Variants in LHFPL4 observed in about 807,000 individuals in gnomAD.
LHFPL4 encodes LHFPL tetraspan subfamily member 4, also known as LHFPL tetraspan subfamily member 4 protein.
A neutral mutation model predicts 20.0 loss-of-function variants in LHFPL4; 6 were observed. That is an observed-to-expected ratio of 0.30 (90% CI 0.16 to 0.59). LHFPL4 has a LOEUF of 0.59. LHFPL4 is among the 20% of genes least tolerant of loss of function. LHFPL4 has a pLI of 0.88. For missense variants in LHFPL4, 215 were observed against 331.2 expected, an observed-to-expected ratio of 0.65 and a Z score of 2.72; for synonymous variants, 129 against 143.8, an observed-to-expected ratio of 0.90 and a Z score of 0.74.
intron 2 of LHFPL4, among the ~76,000 whole-genome samples, chr3:9,551,442 G>A (rs564601877): frequency 7.9e-5 from 12 of 151,974 alleles, no homozygotes; most frequent in African/African-American, 2.9e-4. Flanking sequence ...ATCTCTGATC[G>A]AAAGGTGGGT....
chr3:9,536,672 G>C (rs75186955), intron 2 of LHFPL4, among the ~76,000 whole-genome samples: 3,365 of 152,104 alleles, frequency 0.022, 124 homozygotes, highest in African/African-American at 0.074. Flanking sequence ...AAAAACAAAT[G>C]GTATCATGGC....
At chr3:9,532,228 C>T (rs892396229) in intron 2 of LHFPL4, among the ~76,000 whole-genome samples, 1 of 152,074 alleles carries the variant, frequency 6.6e-6, no homozygotes, top group African/African-American at 2.4e-5. Flanking sequence ...GGGATTTCAC[C>T]ATGTTGGCCA....
At chr3:9,546,379 T>G (rs2046513128) in intron 2 of LHFPL4, among the ~76,000 whole-genome samples, 1 of 151,478 alleles carries the variant, frequency 6.6e-6, no homozygotes, top group African/African-American at 2.4e-5. Context: ...TACTCACTTC[T>G]AGATCCCCCA....
At chr3:9,527,809 AACACACACACAC>A (rs58489008) in intron 2 of LHFPL4, among the ~76,000 whole-genome samples, 45,242 of 143,196 alleles carry the variant, frequency 0.32, 7,293 homozygotes, top group Non-Finnish European at 0.37. Context: ...TTCAAATACA[AACACACACACAC>A]ACACACACAC....
chr3:9,516,583 C>T (rs968540146), intron 2 of LHFPL4, among the ~76,000 whole-genome samples: 3 of 151,924 alleles, frequency 2.0e-5, no homozygotes, highest in African/African-American at 7.3e-5. Context: ...AAGCAGTTCT[C>T]CAGCCTCAGC....
intron 2 of LHFPL4, among the ~76,000 whole-genome samples, chr3:9,535,764 T>C (rs2046440826): frequency 6.6e-6 from 1 of 152,052 alleles, no homozygotes; most frequent in Admixed American, 6.6e-5. Flanking sequence ...GGCCACAGCT[T>C]GCTTGCTCGC....
intron 2 of LHFPL4, among the ~76,000 whole-genome samples, chr3:9,533,564 C>T (rs1311476967): frequency 1.3e-5 from 2 of 152,172 alleles, no homozygotes; most frequent in African/African-American, 2.4e-5. Flanking sequence ...GGGCGGATCA[C>T]GAGGTCAGGA....
At chr3:9,514,088 C>T (rs1002509868) in intron 2 of LHFPL4, among the ~76,000 whole-genome samples, 1 of 152,080 alleles carries the variant, frequency 6.6e-6, no homozygotes, top group Non-Finnish European at 1.5e-5. Context: ...TAGTATTAAT[C>T]CATTTGATTG....
chr3:9,510,176 A>T (rs1368091009), intron 2 of LHFPL4, among the ~76,000 whole-genome samples: 1 of 152,170 alleles, frequency 6.6e-6, no homozygotes, highest in Non-Finnish European at 1.5e-5. Flanking sequence ...TCAGTTGGGC[A>T]TGGGTGGCTC....
At position 9,523,450 on chromosome 3, in the gene LHFPL4, CTTTATTTATTTATTTA is replaced by C. The variant is rs199544534; in HGVS notation, c.407-17263_407-17248del. The stretch of plus-strand genomic sequence containing the variant: ...CTGTTTGTTTGTTTTGAGACAGAGT[CTTTATTTATTTATTTA>C]TTTATTTATTTATTTATTTATTTTG... On this transcript the variant is annotated intron_variant, in intron 2 of 3. Transcript: ENST00000287585. Among the ~76,000 whole-genome samples the C allele has an allele frequency of 1.0e-3, 148 of 147,978 alleles. 3 individuals are homozygous for C. Among genetic ancestry groups the C allele is most frequent in the Admixed American group, 8.2e-3 (122 of 14,896 alleles).
chr3:9,506,303 C>A lies in LHFPL4; in HGVS notation c.407-100G>T. 1.1e-6 allele frequency: 1 copy of A among 872,928 alleles called. No homozygotes were observed. Among genetic ancestry groups the A allele is most frequent in the Non-Finnish European group, 1.9e-6 (1 of 534,556 alleles). 54.1% of individuals were successfully genotyped at this position (872,928 alleles called of 1,614,324 possible). A position where few individuals can be genotyped will look rare whatever the true frequency, so the allele number is the denominator to read the frequency against. Reference sequence around the variant, plus strand: ...AGTCTGGGCCCCACCCTATTGAGGGCACATCAACCCAACCACGTGCTTGTT... The same window carrying A: ...AGTCTGGGCCCCACCCTATTGAGGGAACATCAACCCAACCACGTGCTTGTT... On this transcript the variant is annotated intron_variant, in intron 2 of 3. Transcript: ENST00000287585. This position sits in a 1 kb window ranked among gnomAD's most constrained non-coding sequence, Gnocchi z 4.5.
intron 2 of LHFPL4, among the ~76,000 whole-genome samples, chr3:9,528,003 TA>T (rs1055445564): frequency 1.3e-5 from 2 of 151,942 alleles, no homozygotes; most frequent in African/African-American, 4.8e-5. Flanking sequence ...AGCATATGTC[TA>T]AAAAAAACCC....
chr3:9,544,916 C>T (rs553428292), intron 2 of LHFPL4, among the ~76,000 whole-genome samples: 3 of 152,284 alleles, frequency 2.0e-5, no homozygotes, highest in Admixed American at 2.0e-4. Flanking sequence ...CCTCAGAATA[C>T]CCTGTACATG....
At chr3:9,524,551 C>T (rs1289733997) in intron 2 of LHFPL4, among the ~76,000 whole-genome samples, 1 of 152,166 alleles carries the variant, frequency 6.6e-6, no homozygotes, top group Admixed American at 6.5e-5. Context: ...CCGTCAAAGG[C>T]ATTCTTCCTT....
intron 2 of LHFPL4, among the ~76,000 whole-genome samples, chr3:9,514,299 G>T (rs1233235059): frequency 6.6e-6 from 1 of 152,080 alleles, no homozygotes; most frequent in East Asian, 1.9e-4. Flanking sequence ...AGGCAGTCAA[G>T]GTACAGAATA....
rs762489418 is a variant in LHFPL4, at chr3:9,552,676, G to A, written c.4C>T (p.Leu2=). M[L]PSQEASKLYH... ...AGCTTGGAGGCCTCCTGCGAGGGCAGCATGGTGCCCGGAGGCGGGGCCGGC... is the reference window on the plus strand; with the variant it reads ...AGCTTGGAGGCCTCCTGCGAGGGCAACATGGTGCCCGGAGGCGGGGCCGGC... Residue 2 remains leucine (L), a synonymous_variant, in exon 2 of 4, where the codon CTG becomes TTG. Coordinates refer to ENST00000287585, the MANE Select transcript of LHFPL4 (RefSeq NM_198560.3). 2.7e-6 allele frequency: 4 copies of A among 1,489,670 alleles called. No homozygotes were observed. The highest frequency in any genetic ancestry group is 2.7e-5 in the East Asian group (1 of 37,232). The allele number at this position is 1,489,670 out of a possible 1,614,324, so 92.3% of individuals were successfully genotyped here.
intron 2 of LHFPL4, among the ~76,000 whole-genome samples, chr3:9,507,809 A>G (rs965531392): frequency 6.6e-6 from 1 of 152,106 alleles, no homozygotes; most frequent in Non-Finnish European, 1.5e-5. Context: ...TGGCTTGGAG[A>G]GTGGCACCTC....
At chr3:9,508,647 G>GGAGGAGGAAGAGGGGCCT (rs1242369328) in intron 2 of LHFPL4, among the ~76,000 whole-genome samples, 1 of 152,192 alleles carries the variant, frequency 6.6e-6, no homozygotes, top group African/African-American at 2.4e-5. Flanking sequence ...TAACAGGGCA[G>GGAGGAGGAAGAGGGGCCT]GAGGAGGAAG....
At chr3:9,538,663 G>T (rs1041148270) in intron 2 of LHFPL4, among the ~76,000 whole-genome samples, 4 of 151,320 alleles carry the variant, frequency 2.6e-5, no homozygotes, top group Non-Finnish European at 4.4e-5. Flanking sequence ...GCACTTAGTT[G>T]GTAACACCAC....
Sources: gnomAD v4.1 joint callset for allele counts (sites outside exome capture counted in the v4.1 genomes callset) on GRCh38, gnomAD v4.1.1 for gene constraint, Gnocchi (gnomAD v3.1) non-coding constraint, MANE v1.5 for transcripts, NCBI Gene and HGNC (gene_info 2026-07-23, HGNC 2026-07-21) for gene names.